The following MBNL2 variants were observed in gnomAD, a reference collection of about 807,000 sequenced individuals.
MBNL2 encodes muscleblind like splicing regulator 2.
Under a neutral mutation model 41.9 loss-of-function variants are expected in MBNL2, and 17 were observed. The ratio of observed to expected loss-of-function variants is 0.41; its 90% confidence interval spans 0.28 to 0.61. The LOEUF is 0.61. MBNL2 is among the 20% of genes least tolerant of loss of function. MBNL2 has a pLI of 0.35. For synonymous variants in MBNL2, 195 were observed against 182.9 expected (o/e 1.07, Z -0.53); for missense variants, 336 against 505.6 (o/e 0.66, Z 3.22).
In MBNL2 at chr13:97,346,729, C is replaced by A; in HGVS notation, c.541-75C>A. The A allele has an allele frequency of 7.7e-7, 1 of 1,296,042 alleles. No individual in the cohort carries two copies. The highest frequency in any genetic ancestry group is 1.1e-6 in the Non-Finnish European group (1 of 921,442). 80.3% of individuals were successfully genotyped at this position (1,296,042 alleles called of 1,614,324 possible). ...GAAAGCGAGGCAGCCTCCGCTCCTC[C>A]CGCGGTGGCCGGGGCCGCAGGGGCG... On this transcript the variant is annotated intron_variant, in intron 4 of 8. Transcript: ENST00000679496. This position sits in a 1 kb window ranked among gnomAD's most constrained non-coding sequence, Gnocchi z 4.2.
chr13:97,357,105 T>C (rs1478226883), intron 6 of MBNL2, among the ~76,000 whole-genome samples: 1 of 152,210 alleles, frequency 6.6e-6, no homozygotes, highest in African/African-American at 2.4e-5. Flanking sequence ...ATAATTCGTA[T>C]TAACCTTTAA....
In MBNL2 at chr13:97,255,439, G is replaced by T. The variant is rs544104525; in HGVS notation, c.-604-20193G>T. 2.6e-5 allele frequency among the ~76,000 whole-genome samples: 4 copies of T among 152,106 alleles called. No homozygotes were observed. In the South Asian group the frequency reaches 8.3e-4, roughly 32 times the overall value. On this transcript the variant is annotated intron_variant, in intron 1 of 8. Transcript: ENST00000679496. ...TTCCTTGGGCCACGTAGCCACTCAC[G>T]TCTGAGTATGAAGACTGCAGCTTGG...
the MBNL2 span, among the ~76,000 whole-genome samples, chr13:97,188,437 C>G: frequency 1.3e-5 from 2 of 152,148 alleles, no homozygotes; most frequent in Non-Finnish European, 2.9e-5. Flanking sequence ...ACCGGCTCTC[C>G]TTTTCCCCTG....
At chr13:97,156,859 G>A in the MBNL2 span, among the ~76,000 whole-genome samples, 1 of 152,182 alleles carries the variant, frequency 6.6e-6, no homozygotes, top group African/African-American at 2.4e-5. Context: ...TTTTGGCTTA[G>A]GATTGACTTG....
intron 8 of MBNL2, among the ~76,000 whole-genome samples, chr13:97,365,992 A>G (rs2063813544): frequency 6.6e-6 from 1 of 152,150 alleles, no homozygotes; most frequent in African/African-American, 2.4e-5. Context: ...CAATTTAACC[A>G]TAATTCCAAA....
rs560682062 is a variant in MBNL2 at position 97,392,581 on chromosome 13, T to C, written c.*1132T>C. 2 of 152,428 alleles carry C rather than the reference T, an allele frequency of 1.3e-5. No homozygotes were observed. The highest frequency in any genetic ancestry group is 4.1e-4 in the South Asian group (2 of 4,834). 9.4% of individuals were successfully genotyped at this position (152,428 alleles called of 1,614,324 possible). ...CATACATATTATATATACACATACA[T>C]ATATATACTATATATGGATGAAACA... is the stretch of plus-strand genomic sequence containing the variant. On this transcript the variant is annotated 3_prime_UTR_variant, in exon 9 of 9. Coordinates refer to ENST00000679496, the MANE Select transcript of MBNL2 (RefSeq NM_001382683.1).
chr13:97,336,661 G>A (rs1217525111), intron 3 of MBNL2, among the ~76,000 whole-genome samples: 2 of 152,152 alleles, frequency 1.3e-5, no homozygotes, highest in African/African-American at 2.4e-5. Flanking sequence ...AGCCTCTGGA[G>A]GGAGGGCAGT....
At chr13:97,347,416 G>A (rs2061985570) in intron 5 of MBNL2, among the ~76,000 whole-genome samples, 1 of 152,212 alleles carries the variant, frequency 6.6e-6, no homozygotes, top group African/African-American at 2.4e-5. Flanking sequence ...CCGCTTCGGA[G>A]AGGGGAAAGA....
intron 7 of MBNL2, among the ~76,000 whole-genome samples, chr13:97,363,946 G>C (rs1010158032): frequency 6.6e-6 from 1 of 152,108 alleles, no homozygotes; most frequent in African/African-American, 2.4e-5. Context: ...TCAGAAGTCA[G>C]TTCTGAAACT....
At chr13:97,159,714 G>A in the MBNL2 span, among the ~76,000 whole-genome samples, 3 of 150,202 alleles carry the variant, frequency 2.0e-5, no homozygotes, top group Non-Finnish European at 4.4e-5. Context: ...TAAGAATGTT[G>A]AATATTGGCC....
At position 97,328,174 on chromosome 13, in the gene MBNL2, T is replaced by C. The variant is rs924891707; in HGVS notation, c.175-6102T>C. On this transcript the variant is annotated intron_variant, in intron 2 of 8. Transcript: ENST00000679496. ...AGTTCTGAGACGGTTTCCTTAACCC[T>C]TTTTTTTTTTTTTTTTTTTTTACAC... Among the ~76,000 whole-genome samples, 11 of 84,978 alleles carry C rather than the reference T, an allele frequency of 1.3e-4. No individual in the cohort carries two copies. The East Asian group carries it at 1.5e-3, about 12-fold the overall frequency. The allele number at this position is 84,978 out of a possible 152,430, so 55.7% of individuals were successfully genotyped here. A position where few individuals can be genotyped will look rare whatever the true frequency, so the allele number is the denominator to read the frequency against.
chr13:97,284,122 AC>A (rs1428590808), intron 2 of MBNL2, among the ~76,000 whole-genome samples: 1 of 152,158 alleles, frequency 6.6e-6, no homozygotes, highest in Non-Finnish European at 1.5e-5. Flanking sequence ...AGTACCACAA[AC>A]CGTGTGGTTT....
At chr13:97,353,889 G>A (rs2062735608) in intron 5 of MBNL2, among the ~76,000 whole-genome samples, 1 of 152,114 alleles carries the variant, frequency 6.6e-6, no homozygotes, top group Non-Finnish European at 1.5e-5. Flanking sequence ...TTGGCATCCT[G>A]CTTGTCTACC....
intron 2 of MBNL2, among the ~76,000 whole-genome samples, chr13:97,314,148 C>G (rs1393607977): frequency 6.6e-6 from 1 of 152,144 alleles, no homozygotes; most frequent in Non-Finnish European, 1.5e-5. Flanking sequence ...CCCTCACTCA[C>G]TCTGCTCTAG....
chr13:97,155,395 T>C, the MBNL2 span, among the ~76,000 whole-genome samples: 21 of 143,420 alleles, frequency 1.5e-4, no homozygotes, highest in Non-Finnish European at 2.6e-4. Context: ...TTTTTTTTTA[T>C]TTTTTTTTTT....
chr13:97,259,513 G>A (rs2048202767), intron 1 of MBNL2, among the ~76,000 whole-genome samples: 1 of 152,188 alleles, frequency 6.6e-6, no homozygotes, highest in Admixed American at 6.5e-5. Flanking sequence ...GGAGCAGGAA[G>A]AAAATGGGCT....
the MBNL2 span, among the ~76,000 whole-genome samples, chr13:97,194,558 G>T: frequency 6.6e-6 from 1 of 152,110 alleles, no homozygotes; most frequent in South Asian, 2.1e-4. Context: ...GTAAAATGAG[G>T]GTGAGACCGA....
chr13:97,172,924 A>G, the MBNL2 span: 1 of 152,148 alleles, frequency 6.6e-6, no homozygotes, highest in Non-Finnish European at 1.5e-5. Context: ...ATATATAGAT[A>G]TATATGTAAT....
intron 2 of MBNL2, among the ~76,000 whole-genome samples, chr13:97,310,428 T>C (rs553914140): frequency 2.2e-4 from 33 of 151,486 alleles, no homozygotes; most frequent in African/African-American, 8.1e-4. Context: ...CTTTTTTTTT[T>C]TCTTTTTTTT....
Sources: allele counts gnomAD v4.1 joint callset (sites outside exome capture counted in the v4.1 genomes callset), GRCh38; gene constraint gnomAD v4.1.1; non-coding constraint Gnocchi (gnomAD v3.1); transcripts MANE v1.5; gene names NCBI Gene and HGNC (gene_info 2026-07-23, HGNC 2026-07-21).